Variants in MTMR8 observed in about 807,000 individuals in gnomAD.
The protein encoded by MTMR8 is myotubularin related protein 8.
MTMR8 carries 65 observed loss-of-function variants against 39.3 expected under a neutral mutation model. The ratio of observed to expected loss-of-function variants is 1.65; its 90% CI spans 1.35 to 2.03. The LOEUF (loss-of-function observed/expected upper bound fraction) is 2.03. MTMR8 is among the 30% of genes most tolerant of loss of function. The pLI is 0.00. For synonymous variants in MTMR8, 245 were observed against 185.2 expected, an observed-to-expected ratio of 1.32 and a Z score of -2.62; for missense variants, 777 against 538.9, an observed-to-expected ratio of 1.44 and a Z score of -4.37.
Position 64,315,221 on chromosome X carries a change from C to T in MTMR8, c.1481+13551G>A, listed in dbSNP as rs189740344. ...TGGGGGTCTTCTCCTGCCAGGATTC[C>T]AGAGGCCCATGGCAAGAGAGGGTTG... On this transcript the variant is annotated intron_variant, in intron 12 of 13. Transcript: ENST00000374852. 1.2e-4 allele frequency among the ~76,000 whole-genome samples: 13 copies of T among 112,049 alleles called. No homozygotes were observed. The East Asian group carries it at 2.5e-3, about 22-fold the overall frequency.
At chrX:64,282,525 C>A (rs1352690705) in intron 12 of MTMR8, among the ~76,000 whole-genome samples, 1 of 111,217 alleles carries the variant, frequency 9.0e-6, no homozygotes, top group South Asian at 3.8e-4. Flanking sequence ...AAAAAATAGA[C>A]AACAAAAAGA....
chrX:64,305,987 G>A (rs751791305), intron 12 of MTMR8: 23 of 188,589 alleles, frequency 1.2e-4, no homozygotes, highest in African/African-American at 3.6e-4. Context: ...GTGGTGGCAC[G>A]CACTTGTGGT....
In MTMR8 at chrX:64,350,010, C is replaced by A. The variant is rs919847450; in HGVS notation, c.529G>T (p.Val177Phe). The A allele has an allele frequency of 1.7e-6, 2 of 1,195,187 alleles. No homozygotes were observed. Among genetic ancestry groups the A allele is most frequent in the Non-Finnish European group, 2.3e-6 (2 of 885,963 alleles). Residue 177 changes from valine (V) to phenylalanine (F), a missense_variant, in exon 5 of 14, where the codon GTT (valine) becomes TTT (phenylalanine). Transcript: ENST00000374852. ...TTACTTCTGAACTTTGAACTTCCAA[C>A]CACCGTTCCCAAGGTAACAGATTTA... is the stretch of plus-strand genomic sequence containing the variant. The part of the protein sequence containing the change: ...VPKSVTLGTV[V>F]GSSKFRSKER...
chrX:64,323,545 C>T (rs999438631), intron 12 of MTMR8, among the ~76,000 whole-genome samples: 1 of 111,815 alleles, frequency 8.9e-6, no homozygotes, highest in African/African-American at 3.3e-5. Context: ...TTAAAGGACA[C>T]ACTAAATCAA....
At position 64,301,825 on chromosome X, in the gene MTMR8, G is replaced by A. The variant is rs1024951222; in HGVS notation, c.1481+26947C>T. ...GGACCCTCTGTTGGAATACCCTGCC[G>A]TGTGAGGTGTCAGTGTGCCCCTGCT... is the stretch of plus-strand genomic sequence containing the variant. On this transcript the variant is annotated intron_variant, in intron 12 of 13. Coordinates refer to ENST00000374852, the MANE Select transcript of MTMR8 (RefSeq NM_017677.4). Among the ~76,000 whole-genome samples the A allele has an allele frequency of 1.3e-4, 15 of 111,768 alleles. 1 individual carries two copies. The highest frequency in any genetic ancestry group is 3.8e-4 in the South Asian group (1 of 2,643).
rs751399962 is a variant in MTMR8 at position 64,304,860 on chromosome X, TTATATATATATATATATATATATATA to T, written c.1481+23886_1481+23911del. Among the ~76,000 whole-genome samples the T allele has an allele frequency of 1.7e-3, 49 of 28,582 alleles. 1 individual carries two copies. The South Asian group carries it at 0.022, about 13-fold the overall frequency. 24.8% of individuals were successfully genotyped at this position (28,582 alleles called of 115,157 possible). On this transcript the variant is annotated intron_variant, in intron 12 of 13. Transcript: ENST00000374852. ...GAGCTAAGCTTGATGGATCAAACAT[TTATATATATATATATATATATATATA>T]TATATATATATATATATATATACAC...
At chrX:64,352,141 C>T (rs889801807) in intron 4 of MTMR8, among the ~76,000 whole-genome samples, 9 of 111,491 alleles carry the variant, frequency 8.1e-5, no homozygotes, top group African/African-American at 1.3e-4. Flanking sequence ...CTAAGCAGAA[C>T]GTGCCTATGT....
intron 1 of MTMR8, among the ~76,000 whole-genome samples, chrX:64,373,933 G>A (rs1924193301): frequency 9.0e-6 from 1 of 111,663 alleles, no homozygotes. Context: ...AATGGACTCA[G>A]GAAGTTTTCT....
chrX:64,273,427 T>TAA (rs772360352), intron 12 of MTMR8, among the ~76,000 whole-genome samples: 44 of 98,877 alleles, frequency 4.4e-4, no homozygotes, highest in African/African-American at 1.4e-3. Context: ...CTACAGAAGT[T>TAA]AAAAAAAAAA....
intron 1 of MTMR8, among the ~76,000 whole-genome samples, chrX:64,371,938 C>T (rs1408649255): frequency 9.2e-6 from 1 of 108,800 alleles, no homozygotes; most frequent in African/African-American, 3.3e-5. Context: ...TTTTCCAGAA[C>T]TGTATAAAAA....
At chrX:64,277,935 C>CT (rs1931916177) in intron 12 of MTMR8, among the ~76,000 whole-genome samples, 2 of 109,606 alleles carry the variant, frequency 1.8e-5, no homozygotes, top group African/African-American at 6.6e-5. Flanking sequence ...TCTTTTCATT[C>CT]TTTTTTCTCT....
Position 64,268,895 on chromosome X carries a change from C to T in MTMR8, c.1757G>A (p.Gly586Asp), listed in dbSNP as rs769289024. The T allele has an allele frequency of 9.1e-6, 11 of 1,209,657 alleles. No homozygotes were observed. Among genetic ancestry groups the T allele is most frequent in the Admixed American group, 2.2e-5 (1 of 45,682 alleles). Reference protein sequence around the residue: ...NGDLNTLMENGTLSREGGLRA... With the variant: ...NGDLNTLMENDTLSREGGLRA... Reference sequence around the variant, plus strand: ...GAGGCCTCCTTCCCTGGATAGGGTGCCATTCTCCATCAGGGTATTCAGGTC... The same window carrying T: ...GAGGCCTCCTTCCCTGGATAGGGTGTCATTCTCCATCAGGGTATTCAGGTC... Residue 586 changes from glycine (G) to aspartate (D), a missense_variant, in exon 14 of 14, where the codon GGC (glycine) becomes GAC (aspartate). By Grantham distance (94) the Gly-to-Asp change is moderately conservative. Coordinates refer to ENST00000374852, the MANE Select transcript of MTMR8 (RefSeq NM_017677.4).
At chrX:64,291,950 A>G (rs945783120) in intron 12 of MTMR8, among the ~76,000 whole-genome samples, 1 of 111,556 alleles carries the variant, frequency 9.0e-6, no homozygotes, top group African/African-American at 3.3e-5. Context: ...CTAGAAAGGC[A>G]CTAGGTAGGC....
chrX:64,310,582 T>C (rs1048440173), intron 12 of MTMR8, among the ~76,000 whole-genome samples: 6 of 111,255 alleles, frequency 5.4e-5, no homozygotes, highest in African/African-American at 2.0e-4. Flanking sequence ...ACATGTGTCA[T>C]GTTGGTTTGC....
intron 12 of MTMR8, among the ~76,000 whole-genome samples, chrX:64,292,410 G>C (rs1921430630): frequency 9.0e-6 from 1 of 111,134 alleles, no homozygotes; most frequent in South Asian, 3.8e-4. Context: ...CCATAAAGTA[G>C]GTGCATGTTG....
intron 5 of MTMR8, among the ~76,000 whole-genome samples, chrX:64,349,652 G>A (rs1923435487): frequency 9.0e-6 from 1 of 111,505 alleles, no homozygotes; most frequent in African/African-American, 3.3e-5. Context: ...CTAATTTTCT[G>A]TCATTTCACA....
At chrX:64,362,149 C>T (rs1305129385) in intron 1 of MTMR8, among the ~76,000 whole-genome samples, 1 of 109,199 alleles carries the variant, frequency 9.2e-6, no homozygotes, top group Admixed American at 9.8e-5. Flanking sequence ...ACAGAGAAAA[C>T]TTTAAAAGTC....
intron 1 of MTMR8, among the ~76,000 whole-genome samples, chrX:64,367,135 AAAG>A (rs1246635702): frequency 1.8e-5 from 2 of 111,817 alleles, no homozygotes; most frequent in Non-Finnish European, 3.8e-5. Flanking sequence ...CAACCAAAAA[AAAG>A]TCCAGGACCA....
intron 12 of MTMR8, among the ~76,000 whole-genome samples, chrX:64,311,755 C>A (rs1922308226): frequency 9.8e-6 from 1 of 102,465 alleles, no homozygotes; most frequent in Admixed American, 1.1e-4. Flanking sequence ...ATAGGGAATC[C>A]TTTCCCCATT....
Sources: allele counts gnomAD v4.1 joint callset (sites outside exome capture counted in the v4.1 genomes callset), GRCh38; gene constraint gnomAD v4.1.1; transcripts MANE v1.5; gene names NCBI Gene and HGNC (gene_info 2026-07-23, HGNC 2026-07-21).